Variants in SCHIP1 observed in about 807,000 individuals in gnomAD.
SCHIP1 encodes schwannomin-interacting protein 1.
Under a neutral mutation model 29.7 loss-of-function variants are expected in SCHIP1, and 8 were observed. The ratio of observed to expected loss-of-function variants is 0.27; its 90% CI spans 0.16 to 0.49. SCHIP1 has a LOEUF of 0.49. SCHIP1 is among the 20% of genes least tolerant of loss of function. The pLI, the probability that SCHIP1 is intolerant of heterozygous loss-of-function variation, is 0.99. For synonymous variants in SCHIP1, 76 were observed against 94.9 expected, an observed-to-expected ratio of 0.80 and a Z score of 1.16; for missense variants, 193 against 294.6, an observed-to-expected ratio of 0.66 and a Z score of 2.52.
chr3:159,595,092 G>A, the SCHIP1 span, among the ~76,000 whole-genome samples: 2 of 152,126 alleles, frequency 1.3e-5, no homozygotes, highest in Admixed American at 6.5e-5. Context: ...TTCTGCTAGT[G>A]GTGAGAATTG....
At chr3:159,621,466 C>T in the SCHIP1 span, among the ~76,000 whole-genome samples, 3 of 152,214 alleles carry the variant, frequency 2.0e-5, no homozygotes, top group African/African-American at 4.8e-5. Flanking sequence ...ATCTCCAACT[C>T]TTTATCTCAC....
the SCHIP1 span, among the ~76,000 whole-genome samples, chr3:159,415,161 G>C: frequency 6.6e-6 from 1 of 152,162 alleles, no homozygotes; most frequent in Non-Finnish European, 1.5e-5. Context: ...ACAGTCTATG[G>C]ATTCAGAAGC....
chr3:159,896,255 A>G (rs1718053762), intron 6 of SCHIP1, among the ~76,000 whole-genome samples: 1 of 152,202 alleles, frequency 6.6e-6, no homozygotes, highest in South Asian at 2.1e-4. Flanking sequence ...TCTTATCATA[A>G]TACCATGTTT....
At chr3:159,426,008 C>A in the SCHIP1 span, among the ~76,000 whole-genome samples, 1 of 152,082 alleles carries the variant, frequency 6.6e-6, no homozygotes, top group East Asian at 1.9e-4. Context: ...AACAAAGACA[C>A]AACATACCAG....
At chr3:159,274,609 A>C in the SCHIP1 span, 11 of 833,044 alleles carry the variant, frequency 1.3e-5, no homozygotes, top group African/African-American at 1.7e-4. Flanking sequence ...TAGACTATCA[A>C]ATTTGTAGTT....
the SCHIP1 span, among the ~76,000 whole-genome samples, chr3:159,278,352 T>G: frequency 6.6e-6 from 1 of 152,112 alleles, no homozygotes; most frequent in Admixed American, 6.5e-5. Context: ...GAGAGTAAGA[T>G]GCATCACTTG....
chr3:159,299,654 A>G, the SCHIP1 span, among the ~76,000 whole-genome samples: 1 of 152,230 alleles, frequency 6.6e-6, no homozygotes, highest in East Asian at 1.9e-4. Flanking sequence ...TTGCCATTGC[A>G]TTACTTTCTG....
the SCHIP1 span, among the ~76,000 whole-genome samples, chr3:159,573,899 A>T: frequency 6.6e-6 from 1 of 152,130 alleles, no homozygotes; most frequent in Non-Finnish European, 1.5e-5. Context: ...ACTTGATCAA[A>T]TCGGCTATTA....
chr3:159,784,251 C>T, the SCHIP1 span, among the ~76,000 whole-genome samples: 1 of 152,178 alleles, frequency 6.6e-6, no homozygotes, highest in Non-Finnish European at 1.5e-5. Context: ...CATGTCATCC[C>T]GTTGAGCAAG....
the SCHIP1 span, among the ~76,000 whole-genome samples, chr3:159,652,813 G>A: frequency 6.6e-6 from 1 of 152,164 alleles, no homozygotes; most frequent in Non-Finnish European, 1.5e-5. Flanking sequence ...GGACTAGTTT[G>A]TAATGATAAA....
At chr3:159,610,856 G>A in the SCHIP1 span, among the ~76,000 whole-genome samples, 5 of 151,800 alleles carry the variant, frequency 3.3e-5, no homozygotes, top group Admixed American at 2.6e-4. Context: ...TCCAGAGGAA[G>A]AGTTTGAAAA....
the SCHIP1 span, among the ~76,000 whole-genome samples, chr3:159,609,217 G>C: frequency 6.6e-6 from 1 of 152,102 alleles, no homozygotes; most frequent in Non-Finnish European, 1.5e-5. Context: ...TATTCTAGTC[G>C]ATCCTTTAGC....
At chr3:159,561,637 T>C in the SCHIP1 span, among the ~76,000 whole-genome samples, 1 of 152,306 alleles carries the variant, frequency 6.6e-6, no homozygotes, top group South Asian at 2.1e-4. Flanking sequence ...TTTTTCTCGG[T>C]GTAAAGAATT....
the SCHIP1 span, among the ~76,000 whole-genome samples, chr3:159,792,415 A>G: frequency 4.6e-5 from 7 of 152,206 alleles, no homozygotes; most frequent in Non-Finnish European, 1.0e-4. Flanking sequence ...GCTGTTAAAG[A>G]ATTGTATGTG....
At chr3:159,386,541 T>A in the SCHIP1 span, among the ~76,000 whole-genome samples, 1 of 151,836 alleles carries the variant, frequency 6.6e-6, no homozygotes, top group Admixed American at 6.6e-5. Context: ...TTGAAAAAAA[T>A]ACTTTAAATT....
chr3:159,530,524 C>T, the SCHIP1 span, among the ~76,000 whole-genome samples: 2 of 152,172 alleles, frequency 1.3e-5, no homozygotes. Context: ...CCACTAGCAG[C>T]CCTTCTGATT....
At chr3:159,479,830 C>T in the SCHIP1 span, among the ~76,000 whole-genome samples, 1 of 152,290 alleles carries the variant, frequency 6.6e-6, no homozygotes, top group South Asian at 2.1e-4. Context: ...CTAATATGCA[C>T]TCATGGAGCC....
chr3:159,621,246 G>A, the SCHIP1 span, among the ~76,000 whole-genome samples: 2 of 152,172 alleles, frequency 1.3e-5, no homozygotes, highest in African/African-American at 4.8e-5. Context: ...TGCAAGACTT[G>A]TACATGTTTC....
chr3:159,483,826 A>T, the SCHIP1 span, among the ~76,000 whole-genome samples: 1 of 152,196 alleles, frequency 6.6e-6, no homozygotes, highest in Non-Finnish European at 1.5e-5. Flanking sequence ...GTGTTCTGGC[A>T]CAATGTAGTT....
Sources: gnomAD v4.1 joint callset for allele counts (sites outside exome capture counted in the v4.1 genomes callset) on GRCh38, gnomAD v4.1.1 for gene constraint, MANE v1.5 for transcripts, NCBI Gene and HGNC (gene_info 2026-07-23, HGNC 2026-07-21) for gene names.